Variants in CHD6 observed in about 807,000 individuals in gnomAD.
The protein encoded by CHD6 is chromodomain helicase DNA binding protein 6.
In CHD6, 50 loss-of-function variants were observed where a neutral mutation model predicts 276.9. The ratio of observed to expected loss-of-function variants is 0.18; its 90% CI spans 0.14 to 0.23. The LOEUF (loss-of-function observed/expected upper bound fraction) is 0.23. Ranked by LOEUF, CHD6 falls within the 10% of genes least tolerant of loss-of-function variation. The pLI, the probability that CHD6 is intolerant of heterozygous loss-of-function variation, is 1.00. For synonymous variants in CHD6, 1,173 were observed against 1,229.3 expected, an observed-to-expected ratio of 0.95 and a Z score of 0.96; for missense variants, 2,564 against 3,365.8, an observed-to-expected ratio of 0.76 and a Z score of 5.89.
chr20:41,587,275 T>A (rs948952761), intron 1 of CHD6, among the ~76,000 whole-genome samples: 17 of 152,254 alleles, frequency 1.1e-4, no homozygotes, highest in African/African-American at 3.9e-4. Flanking sequence ...CATAGCCTTG[T>A]AATTGTTATA....
rs376824126 is a variant in CHD6 at position 41,404,560 on chromosome 20, C to T, written c.*33G>A. On this transcript the variant is annotated 3_prime_UTR_variant, in exon 37 of 37. Coordinates refer to ENST00000373233, the MANE Select transcript of CHD6 (RefSeq NM_032221.5). The stretch of plus-strand genomic sequence containing the variant: ...AAACCTTTATGGGATAAGAAACTTA[C>T]AAGTCACAATAATTTCTTAAATGAA... 13 of 1,469,370 alleles carry T rather than the reference C, an allele frequency of 8.8e-6. No individual in the cohort carries two copies. Among genetic ancestry groups the T allele is most frequent in the Non-Finnish European group, 1.1e-5 (12 of 1,108,470 alleles). 91.0% of individuals were successfully genotyped at this position (1,469,370 alleles called of 1,614,324 possible).
intron 1 of CHD6, among the ~76,000 whole-genome samples, chr20:41,607,178 C>T (rs1189611835): frequency 6.6e-6 from 1 of 152,216 alleles, no homozygotes; most frequent in Non-Finnish European, 1.5e-5. Context: ...ATAAAAGGCT[C>T]TCCAAACTCA....
rs1569056381 is a variant in CHD6, at chr20:41,420,667, TA to T, written c.5967del (p.Phe1989LeufsTer3). 1 of 1,614,258 alleles carries T rather than the reference TA, an allele frequency of 6.2e-7. No individual in the cohort carries two copies. Among genetic ancestry groups the T allele is most frequent in the Non-Finnish European group, 8.5e-7 (1 of 1,180,048 alleles). The stretch of plus-strand genomic sequence containing the variant: ...TCTTTTAAAAGCTCATGCTTCACTT[TA>T]AACGGCTGTGATGGAATAGCAGTGG... ...GEPTAIPSQP[F>X]KVKHELLKEP... On this transcript the variant is annotated frameshift_variant, in exon 31 of 37. Coordinates refer to ENST00000373233, the MANE Select transcript of CHD6 (RefSeq NM_032221.5). LOFTEE classifies it high-confidence loss of function.
At chr20:41,576,546 G>A (rs1055138171) in intron 1 of CHD6, among the ~76,000 whole-genome samples, 4 of 152,148 alleles carry the variant, frequency 2.6e-5, no homozygotes, top group South Asian at 2.1e-4. Flanking sequence ...TTAGCTGGGC[G>A]TGGTGGCATG....
At chr20:41,450,678 G>C (rs2145656403) in intron 23 of CHD6, among the ~76,000 whole-genome samples, 1 of 152,288 alleles carries the variant, frequency 6.6e-6, no homozygotes, top group African/African-American at 2.4e-5. Flanking sequence ...TGGTTTTTGA[G>C]AGTCAAAATA....
At chr20:41,525,663 G>A (rs1480796062) in intron 3 of CHD6, among the ~76,000 whole-genome samples, 2 of 152,098 alleles carry the variant, frequency 1.3e-5, no homozygotes, top group Non-Finnish European at 2.9e-5. Context: ...CTTAAAATCT[G>A]GAAGCCCCTA....
chr20:41,414,763 C>G, intron 34 of CHD6: 1 of 994,432 alleles, frequency 1.0e-6, no homozygotes, highest in South Asian at 4.2e-5. Flanking sequence ...CCCAGTAAGT[C>G]AAGCAGAAGA....
At chr20:41,615,636 T>C (rs1453006738) in intron 1 of CHD6, among the ~76,000 whole-genome samples, 2 of 152,264 alleles carry the variant, frequency 1.3e-5, no homozygotes, top group Non-Finnish European at 2.9e-5. Flanking sequence ...TTGATATGTA[T>C]ATACTGTCAT....
rs199856494 is a variant in CHD6 at position 41,451,104 on chromosome 20, G to A, written c.3525C>T (p.Gly1175=). Residue 1175 remains glycine (G), a splice_region_variant and synonymous_variant, in exon 23 of 37, where the codon GGC becomes GGT. Transcript: ENST00000373233. ...GQAQTLQNHS[G]LSAPVPRGRK... is the part of the protein sequence containing the mutation. ...TCCCTCTGGGGACTGGGGCAGATAA[G>A]CCTGAAACAGAAAGACAGCATAGGG... The A allele has an allele frequency of 1.4e-5, 22 of 1,613,146 alleles. No individual in the cohort carries two copies. The highest frequency in any genetic ancestry group is 1.5e-5 in the Non-Finnish European group (18 of 1,179,472).
chr20:41,451,491 CAG>C (rs1330660186), intron 22 of CHD6, among the ~76,000 whole-genome samples: 2 of 152,168 alleles, frequency 1.3e-5, no homozygotes, highest in Non-Finnish European at 2.9e-5. Context: ...AAGGCACAGA[CAG>C]AGGTGGGACA....
At chr20:41,414,688 G>C in intron 34 of CHD6, 1 of 283,190 alleles carries the variant, frequency 3.5e-6, no homozygotes, top group East Asian at 6.6e-5. Context: ...TCAACCCTCC[G>C]TGGTAGATGC....
chr20:41,444,436 G>A (rs922477062), intron 25 of CHD6, among the ~76,000 whole-genome samples: 10 of 152,226 alleles, frequency 6.6e-5, no homozygotes, highest in African/African-American at 2.2e-4. Flanking sequence ...GCATGTCTAT[G>A]ATTGCATGTA....
chr20:41,448,218 G>C (rs1017331916), intron 23 of CHD6, among the ~76,000 whole-genome samples: 1 of 152,164 alleles, frequency 6.6e-6, no homozygotes, highest in Non-Finnish European at 1.5e-5. Context: ...GGAGGCAGCA[G>C]GAACAGACAG....
At chr20:41,564,598 C>T (rs1046685692) in intron 1 of CHD6, among the ~76,000 whole-genome samples, 7 of 152,112 alleles carry the variant, frequency 4.6e-5, no homozygotes, top group Admixed American at 1.3e-4. Flanking sequence ...CATTACACAA[C>T]GGTATGCATT....
chr20:41,538,690 C>A lies in CHD6; in HGVS notation c.34-5120G>T, dbSNP rs553678588. ...ACTAGGACATACCAAAATTGGTGCTCTCAAATATTGCTGGCAAGAGTATCA... is the reference window on the plus strand; with the variant it reads ...ACTAGGACATACCAAAATTGGTGCTATCAAATATTGCTGGCAAGAGTATCA... On this transcript the variant is annotated intron_variant, in intron 2 of 36. Transcript: ENST00000373233. 4.5e-4 allele frequency among the ~76,000 whole-genome samples: 68 copies of A among 152,290 alleles called. 1 individual carries two copies. The highest frequency in any genetic ancestry group is 1.6e-3 in the African/African-American group (68 of 41,562).
At position 41,589,629 on chromosome 20, in the gene CHD6, C is replaced by G. The variant is rs569458520; in HGVS notation, c.-24+28711G>C. The stretch of plus-strand genomic sequence containing the variant: ...AACTCCCATTCACAATTGATTCAAA[C>G]AGAATAAAATACCTAGGAATCCAAC... On this transcript the variant is annotated intron_variant, in intron 1 of 36. Transcript: ENST00000373233. 7.2e-5 allele frequency among the ~76,000 whole-genome samples: 11 copies of G among 152,212 alleles called. No individual in the cohort carries two copies. In the East Asian group the frequency reaches 1.9e-3, roughly 27 times the overall value.
rs567600191 is a variant in CHD6 at position 41,469,116 on chromosome 20, C to T, written c.2664+4206G>A. 2.6e-5 allele frequency among the ~76,000 whole-genome samples: 4 copies of T among 152,330 alleles called. No homozygotes were observed. The South Asian group carries it at 8.3e-4, about 32-fold the overall frequency. On this transcript the variant is annotated intron_variant, in intron 17 of 36. Transcript: ENST00000373233. ...TGTGGGAGTTTCCTGAGTCCTGCTT[C>T]TGGCGATTGTGGAAAGGGCCTGTCT...
At chr20:41,598,564 C>T (rs760217214) in intron 1 of CHD6, among the ~76,000 whole-genome samples, 1 of 152,140 alleles carries the variant, frequency 6.6e-6, no homozygotes, top group Non-Finnish European at 1.5e-5. Flanking sequence ...ATCTCTCTTC[C>T]AAAACCCCAC....
chr20:41,555,866 C>T (rs1268559803), intron 1 of CHD6, among the ~76,000 whole-genome samples: 1 of 150,808 alleles, frequency 6.6e-6, no homozygotes, highest in Non-Finnish European at 1.5e-5. Flanking sequence ...TGGGCAGAGG[C>T]TGCAATCTCG....
Sources: allele counts gnomAD v4.1 joint callset (sites outside exome capture counted in the v4.1 genomes callset), GRCh38; gene constraint gnomAD v4.1.1; transcripts MANE v1.5; gene names NCBI Gene and HGNC (gene_info 2026-07-23, HGNC 2026-07-21).